The following ATRNL1 variants were observed in gnomAD, a reference collection of about 807,000 sequenced individuals.
ATRNL1 encodes the protein attractin like 1, also known as attractin-like protein 1.
ATRNL1 carries 95 observed loss-of-function variants against 182.7 expected under a neutral mutation model. The ratio of observed to expected loss-of-function variants is 0.52; its 90% confidence interval spans 0.44 to 0.62. ATRNL1 has a LOEUF of 0.62. Among genes scored for constraint, ATRNL1 ranks in the 20% least tolerant of loss-of-function variants. The pLI, the probability that ATRNL1 is intolerant of heterozygous loss-of-function variation, is 0.00. For missense variants in ATRNL1, 1,471 were observed against 1,679.5 expected, an observed-to-expected ratio of 0.88 and a Z score of 2.17; for synonymous variants, 576 against 568.3, an observed-to-expected ratio of 1.01 and a Z score of -0.19.
At chr10:115,532,218 G>T (rs1476392764) in intron 25 of ATRNL1, among the ~76,000 whole-genome samples, 1 of 152,084 alleles carries the variant, frequency 6.6e-6, no homozygotes, top group African/African-American at 2.4e-5. Flanking sequence ...CTTACCTTGG[G>T]CAGTATGGCC....
chr10:115,489,964 T>G (rs1339608187), intron 24 of ATRNL1, among the ~76,000 whole-genome samples: 1 of 152,142 alleles, frequency 6.6e-6, no homozygotes, highest in Non-Finnish European at 1.5e-5. Flanking sequence ...AAGGATTTTA[T>G]TTTCTCCTTC....
chr10:115,927,809 A>C (rs2620961), intron 28 of ATRNL1, among the ~76,000 whole-genome samples: 104,052 of 151,892 alleles, frequency 0.69, 38,643 homozygotes, highest in East Asian at 0.94. Context: ...ATTTGTTAAA[A>C]AACCTAAATT....
intron 26 of ATRNL1, among the ~76,000 whole-genome samples, chr10:115,626,421 T>C (rs185580980): frequency 2.0e-5 from 3 of 152,184 alleles, no homozygotes; most frequent in Admixed American, 2.0e-4. Flanking sequence ...ACTTTATTTT[T>C]GGGCATATTG....
chr10:115,247,082 C>T (rs1850676487), intron 10 of ATRNL1, among the ~76,000 whole-genome samples: 1 of 152,068 alleles, frequency 6.6e-6, no homozygotes, highest in South Asian at 2.1e-4. Flanking sequence ...AGGAATAATC[C>T]TTCAAGACAT....
intron 26 of ATRNL1, among the ~76,000 whole-genome samples, chr10:115,706,552 C>CATGAA (rs1555053123): frequency 2.0e-5 from 3 of 151,842 alleles, no homozygotes; most frequent in Non-Finnish European, 4.4e-5. Flanking sequence ...TCTGCCACAG[C>CATGAA]TTTAATTTCC....
chr10:115,898,220 C>T (rs1952257734), intron 28 of ATRNL1, among the ~76,000 whole-genome samples: 1 of 152,286 alleles, frequency 6.6e-6, no homozygotes, highest in East Asian at 1.9e-4. Flanking sequence ...CCACTATGCC[C>T]GGTCCCCTTT....
At position 115,137,259 on chromosome 10, in the gene ATRNL1, C is replaced by T. The variant is rs797025836; in HGVS notation, c.829+7724C>T. Reference sequence around the variant, plus strand: ...ACAGAAACAATCTGGCTTACTTGAGCAGAAAAGTCAGTTATTGGAAAGTAT... The same window carrying T: ...ACAGAAACAATCTGGCTTACTTGAGTAGAAAAGTCAGTTATTGGAAAGTAT... On this transcript the variant is annotated intron_variant, in intron 5 of 28. Transcript: ENST00000355044. Among the ~76,000 whole-genome samples the T allele has an allele frequency of 3.3e-5, 5 of 152,270 alleles. 1 individual carries two copies. The highest frequency in any genetic ancestry group is 1.2e-4 in the African/African-American group (5 of 41,560).
At chr10:115,151,418 C>A (rs1846222264) in intron 5 of ATRNL1, among the ~76,000 whole-genome samples, 1 of 152,182 alleles carries the variant, frequency 6.6e-6, no homozygotes, top group African/African-American at 2.4e-5. Context: ...GCCATTCTAA[C>A]TGGTGTGAGA....
At chr10:115,698,381 CA>C (rs1356941278) in intron 26 of ATRNL1, among the ~76,000 whole-genome samples, 1 of 151,998 alleles carries the variant, frequency 6.6e-6, no homozygotes, top group Non-Finnish European at 1.5e-5. Flanking sequence ...CAAATAAGGA[CA>C]GGGGAAATCA....
At chr10:115,217,784 T>C (rs1554896609) in intron 9 of ATRNL1, among the ~76,000 whole-genome samples, 1 of 152,238 alleles carries the variant, frequency 6.6e-6, no homozygotes, top group Non-Finnish European at 1.5e-5. Context: ...ACAAATATGT[T>C]GTAGATGTAT....
chr10:115,870,345 G>A (rs1447778547), intron 28 of ATRNL1, among the ~76,000 whole-genome samples: 4 of 152,240 alleles, frequency 2.6e-5, no homozygotes, highest in Admixed American at 2.6e-4. Flanking sequence ...CCTGGCAGAG[G>A]CCTAATAGAG....
intron 19 of ATRNL1, among the ~76,000 whole-genome samples, chr10:115,370,497 G>T (rs926012751): frequency 3.9e-5 from 6 of 152,186 alleles, no homozygotes; most frequent in Admixed American, 3.9e-4. Flanking sequence ...GGAACTTGTT[G>T]GGAACTGGAG....
chr10:115,757,438 G>C (rs113579256), intron 27 of ATRNL1, among the ~76,000 whole-genome samples: 1 of 152,144 alleles, frequency 6.6e-6, no homozygotes, highest in African/African-American at 2.4e-5. Context: ...CGCTGGATAT[G>C]AAATTCTGGG....
At chr10:115,135,664 C>T (rs1329750352) in intron 5 of ATRNL1, among the ~76,000 whole-genome samples, 2 of 152,118 alleles carry the variant, frequency 1.3e-5, no homozygotes, top group Non-Finnish European at 2.9e-5. Flanking sequence ...TGAGTTTCTT[C>T]ACAGAATTGG....
chr10:115,674,979 A>G (rs550737553), intron 26 of ATRNL1, among the ~76,000 whole-genome samples: 1 of 152,250 alleles, frequency 6.6e-6, no homozygotes, highest in African/African-American at 2.4e-5. Context: ...CCTTAGTGAT[A>G]GTGTGTTCAT....
intron 21 of ATRNL1, among the ~76,000 whole-genome samples, chr10:115,426,661 G>A (rs1199334305): frequency 3.3e-5 from 5 of 152,154 alleles, no homozygotes; most frequent in Non-Finnish European, 7.4e-5. Context: ...CTAAAAGGCT[G>A]CACTGATTTT....
At chr10:115,571,261 C>G (rs1408119058) in intron 26 of ATRNL1, among the ~76,000 whole-genome samples, 1 of 152,170 alleles carries the variant, frequency 6.6e-6, no homozygotes, top group East Asian at 1.9e-4. Flanking sequence ...CCAGGTCAGA[C>G]ATAAACGTGT....
At chr10:115,698,278 T>C (rs1946625082) in intron 26 of ATRNL1, among the ~76,000 whole-genome samples, 1 of 152,152 alleles carries the variant, frequency 6.6e-6, no homozygotes, top group Non-Finnish European at 1.5e-5. Context: ...AAAATCAAAT[T>C]AAGTCCAAGT....
At chr10:115,345,406 C>T (rs781853565) in intron 19 of ATRNL1, among the ~76,000 whole-genome samples, 13 of 152,292 alleles carry the variant, frequency 8.5e-5, no homozygotes, top group South Asian at 2.1e-4. Context: ...CAGTCCCTCA[C>T]GATTATTGTT....
Sources: gnomAD v4.1 joint callset for allele counts (sites outside exome capture counted in the v4.1 genomes callset) on GRCh38, gnomAD v4.1.1 for gene constraint, MANE v1.5 for transcripts, NCBI Gene and HGNC (gene_info 2026-07-23, HGNC 2026-07-21) for gene names.